The following ARHGEF11 variants were observed in gnomAD, a reference collection of about 807,000 sequenced individuals.
ARHGEF11 encodes Rho guanine nucleotide exchange factor 11.
Under a neutral mutation model 193.7 loss-of-function variants are expected in ARHGEF11, and 55 were observed. That is an observed-to-expected ratio of 0.28 (90% CI 0.23 to 0.36). The LOEUF is 0.36. ARHGEF11 is among the 10% of genes least tolerant of loss of function. ARHGEF11 has a pLI of 1.00. For synonymous variants in ARHGEF11, 693 were observed against 768.0 expected (o/e 0.90, Z 1.62); for missense variants, 1,723 against 2,005.6 (o/e 0.86, Z 2.69).
Position 156,939,912 on chromosome 1 carries a change from T to C in ARHGEF11, c.3734-2A>G. The stretch of plus-strand genomic sequence containing the variant: ...GGATCAGATGTCGCAGGTTCTCCAC[T>C]GGAGGGGAAACAGGGTGATGTCTTC... On this transcript the variant is annotated splice_acceptor_variant, in intron 36 of 40. Coordinates refer to ENST00000368194, the MANE Select transcript of ARHGEF11 (RefSeq NM_198236.3). LOFTEE classifies it high-confidence loss of function. 1 of 1,601,076 alleles carries C rather than the reference T, an allele frequency of 6.2e-7. No individual in the cohort carries two copies. The highest frequency in any genetic ancestry group is 8.5e-7 in the Non-Finnish European group (1 of 1,179,304).
At chr1:156,945,610 G>C (rs1371126795) in intron 29 of ARHGEF11, 1 of 245,424 alleles carries the variant, frequency 4.1e-6, no homozygotes, top group Non-Finnish European at 7.9e-6. Context: ...ATCCCAGGGA[G>C]AGTGATAACC....
At chr1:157,021,511 AAC>A (rs918114704) in intron 1 of ARHGEF11, among the ~76,000 whole-genome samples, 27 of 152,262 alleles carry the variant, frequency 1.8e-4, no homozygotes, top group African/African-American at 6.0e-4. Context: ...TGAGAGCATT[AAC>A]AAGACCACCC....
intron 1 of ARHGEF11, among the ~76,000 whole-genome samples, chr1:157,018,418 C>A (rs926444085): frequency 1.3e-5 from 2 of 151,870 alleles, no homozygotes; most frequent in African/African-American, 2.4e-5. Flanking sequence ...TCAAGGTGGG[C>A]GGATCATGCG....
At chr1:157,034,558 C>T (rs1050105706) in intron 1 of ARHGEF11, among the ~76,000 whole-genome samples, 1 of 152,182 alleles carries the variant, frequency 6.6e-6, no homozygotes, top group Non-Finnish European at 1.5e-5. Flanking sequence ...TTAGAGCTTG[C>T]TTTCTTAAAA....
At chr1:156,954,501 C>G (rs547736283) in intron 21 of ARHGEF11, among the ~76,000 whole-genome samples, 3 of 151,718 alleles carry the variant, frequency 2.0e-5, no homozygotes, top group East Asian at 1.9e-4. Flanking sequence ...ATTTTTGGAC[C>G]CTCATCCTTG....
chr1:157,010,398 T>C (rs1165737675), intron 1 of ARHGEF11, among the ~76,000 whole-genome samples: 1 of 152,114 alleles, frequency 6.6e-6, no homozygotes, highest in Non-Finnish European at 1.5e-5. Context: ...CTGCAGGATA[T>C]AAGATCAGCA....
chr1:156,980,155 A>T (rs1000781568), intron 4 of ARHGEF11, among the ~76,000 whole-genome samples: 8 of 152,174 alleles, frequency 5.3e-5, no homozygotes, highest in Non-Finnish European at 2.9e-5. Context: ...CCTCCCTCTT[A>T]ATCTTATTTT....
At position 157,008,083 on chromosome 1, in the gene ARHGEF11, A is replaced by G. The variant is rs2102753434; in HGVS notation, c.33-21910T>C. Among the ~76,000 whole-genome samples the G allele has an allele frequency of 1.3e-5, 2 of 152,272 alleles. 1 individual carries two copies. The highest frequency in any genetic ancestry group is 1.3e-4 in the Admixed American group (2 of 15,282). On this transcript the variant is annotated intron_variant, in intron 1 of 40. Transcript: ENST00000368194. ...CTATTCAGTTCTCAGTTGCCCAAGA[A>G]AATGTAGAGGGAAACATTTCATATA...
intron 1 of ARHGEF11, among the ~76,000 whole-genome samples, chr1:157,040,937 T>C (rs923033211): frequency 6.6e-6 from 1 of 152,226 alleles, no homozygotes; most frequent in Non-Finnish European, 1.5e-5. Context: ...TTGTACTTTA[T>C]AGAAATGAAC....
At chr1:156,943,708 G>C (rs1329075048) in intron 32 of ARHGEF11, among the ~76,000 whole-genome samples, 3 of 152,184 alleles carry the variant, frequency 2.0e-5, no homozygotes, top group Non-Finnish European at 4.4e-5. Context: ...GGGGACTGCT[G>C]ACCACCCCTG....
At chr1:156,937,730 C>T (rs528995545) in intron 38 of ARHGEF11, among the ~76,000 whole-genome samples, 5 of 152,256 alleles carry the variant, frequency 3.3e-5, no homozygotes, top group South Asian at 2.1e-4. Context: ...AGATGCTGAG[C>T]GATGAACTCA....
chr1:157,004,637 T>A (rs892624961), intron 1 of ARHGEF11, among the ~76,000 whole-genome samples: 3 of 152,076 alleles, frequency 2.0e-5, no homozygotes, highest in Admixed American at 2.0e-4. Flanking sequence ...CCATTCCATT[T>A]CCAGGAAACT....
chr1:156,965,101 T>C (rs4661077), intron 11 of ARHGEF11, among the ~76,000 whole-genome samples: 51,013 of 152,120 alleles, frequency 0.34, 9,068 homozygotes, highest in East Asian at 0.49. Context: ...GTTATTAACA[T>C]TTATTACTAC....
Position 156,948,500 on chromosome 1 carries a change from TG to T in ARHGEF11, c.1926-3del. 1 of 1,614,086 alleles carries T rather than the reference TG, an allele frequency of 6.2e-7. No individual in the cohort carries two copies. The highest frequency in any genetic ancestry group is 8.5e-7 in the Non-Finnish European group (1 of 1,179,974). Reference sequence around the variant, plus strand: ...CCCAGGCGAATCTCTGAGCGTGAACTGGGGGGAAGGGACAAAAGACTTTGGG... The same window carrying T: ...CCCAGGCGAATCTCTGAGCGTGAACTGGGGGAAGGGACAAAAGACTTTGGG... On this transcript the variant is annotated splice_region_variant and splice_polypyrimidine_tract_variant and intron_variant, in intron 22 of 40. Transcript: ENST00000368194. This position sits in a 1 kb window ranked among gnomAD's most constrained non-coding sequence, Gnocchi z 4.2.
intron 1 of ARHGEF11, among the ~76,000 whole-genome samples, chr1:157,016,817 ATTTATTTAT>A (rs1557958949): frequency 2.0e-5 from 3 of 150,904 alleles, no homozygotes; most frequent in Admixed American, 6.6e-5. Flanking sequence ...TTATTTATTT[ATTTATTTAT>A]TTTGAGAGAG....
chr1:157,037,258 TA>T (rs1672158824), intron 1 of ARHGEF11, among the ~76,000 whole-genome samples: 1 of 152,218 alleles, frequency 6.6e-6, no homozygotes, highest in Non-Finnish European at 1.5e-5. Context: ...AGAAGCTCGT[TA>T]TCTTTTCCTA....
rs1329429250 is a variant in ARHGEF11 at position 156,935,956 on chromosome 1, C to T, written c.*44G>A. ...CTGTGCCCCGGTCTCAGGCCAGTCC[C>T]TGAAGGAGGAGTGGGGACGCAGAGG... On this transcript the variant is annotated 3_prime_UTR_variant, in exon 41 of 41. Coordinates refer to ENST00000368194, the MANE Select transcript of ARHGEF11 (RefSeq NM_198236.3). The T allele has an allele frequency of 5.0e-6, 8 of 1,590,342 alleles. No homozygotes were observed. The highest frequency in any genetic ancestry group is 6.0e-6 in the Non-Finnish European group (7 of 1,165,456).
At chr1:156,957,611 C>T (rs1256737819) in intron 18 of ARHGEF11, among the ~76,000 whole-genome samples, 181 bp downstream of exon 18, 1 of 152,218 alleles carries the variant, frequency 6.6e-6, no homozygotes, top group Non-Finnish European at 1.5e-5. Context: ...GGGCGTGGGC[C>T]TCATCACCCC....
In ARHGEF11 at chr1:157,044,880, A is replaced by C; in HGVS notation, c.-550T>G. 1.1e-5 allele frequency: 2 copies of C among 187,208 alleles called. No homozygotes were observed. The highest frequency in any genetic ancestry group is 2.0e-3 in the Middle Eastern group (1 of 506). 11.6% of individuals were successfully genotyped at this position (187,208 alleles called of 1,614,324 possible). A position where few individuals can be genotyped will look rare whatever the true frequency, so the allele number is the denominator to read the frequency against. The stretch of plus-strand genomic sequence containing the variant: ...AAAGGAAAAAAAAAAGGATTAATAA[A>C]TCCGAAATGGCACTTGGAAAAATTC... On this transcript the variant is annotated 5_prime_UTR_variant, in exon 1 of 41. Transcript: ENST00000368194.
Sources: allele counts gnomAD v4.1 joint callset (sites outside exome capture counted in the v4.1 genomes callset), GRCh38; gene constraint gnomAD v4.1.1; non-coding constraint Gnocchi (gnomAD v3.1); transcripts MANE v1.5; gene names NCBI Gene and HGNC (gene_info 2026-07-23, HGNC 2026-07-21).